The following INPP5D variants were observed in gnomAD, a reference collection of about 807,000 sequenced individuals.
The protein encoded by INPP5D is inositol polyphosphate-5-phosphatase D, also known as phosphatidylinositol 3,4,5-trisphosphate 5-phosphatase 1.
A neutral mutation model predicts 122.9 loss-of-function variants in INPP5D; 33 were observed. The ratio of observed to expected loss-of-function variants is 0.27; its 90% CI spans 0.20 to 0.36. INPP5D has a LOEUF of 0.36. Among genes scored for constraint, INPP5D ranks in the 10% least tolerant of loss-of-function variants. The probability of loss-of-function intolerance (pLI) is 1.00; values close to 1 mark genes in which losing one functional copy is unlikely to be tolerated. For synonymous variants in INPP5D, 584 were observed against 576.2 expected, an observed-to-expected ratio of 1.01 and a Z score of -0.19; for missense variants, 1,053 against 1,412.7, an observed-to-expected ratio of 0.75 and a Z score of 4.08.
intron 18 of INPP5D, among the ~76,000 whole-genome samples, chr2:233,178,417 A>G (rs1394565137): frequency 6.6e-6 from 1 of 152,098 alleles, no homozygotes; most frequent in Non-Finnish European, 1.5e-5. Context: ...CACAGAACAG[A>G]GTTGCTTTGA....
chr2:233,126,190 C>T (rs1693152501), intron 4 of INPP5D, among the ~76,000 whole-genome samples: 1 of 152,246 alleles, frequency 6.6e-6, no homozygotes, highest in African/African-American at 2.4e-5. Flanking sequence ...ATAGTGTGGG[C>T]ACTCACTGGA....
intron 24 of INPP5D, among the ~76,000 whole-genome samples, chr2:233,196,786 C>T (rs1695195298): frequency 6.6e-6 from 1 of 152,130 alleles, no homozygotes; most frequent in Non-Finnish European, 1.5e-5. Flanking sequence ...GCAGACATAG[C>T]TTGTTCCTCT....
rs185801967 is a variant in INPP5D at position 233,169,589 on chromosome 2, G to A, written c.1652+188G>A. ...GCACCATAGTGACCTCACGTGTGGA[G>A]GAATTTTGTCTGAAGGTCAGAAAAG... is the stretch of plus-strand genomic sequence containing the variant. On this transcript the variant is annotated intron_variant, in intron 14 of 26. Coordinates refer to ENST00000445964, the MANE Select transcript of INPP5D (RefSeq NM_001017915.3). 1.7e-4 allele frequency: 148 copies of A among 880,984 alleles called. 1 individual carries two copies. The South Asian group carries it at 2.7e-3, about 16-fold the overall frequency. The allele number at this position is 880,984 out of a possible 1,614,324, so 54.6% of individuals were successfully genotyped here.
At chr2:233,194,371 G>A (rs766025034) in intron 23 of INPP5D, among the ~76,000 whole-genome samples, 1 of 152,000 alleles carries the variant, frequency 6.6e-6, no homozygotes, top group Non-Finnish European at 1.5e-5. Flanking sequence ...TTTCTTGGGC[G>A]ACCTCTGCTT....
Position 233,206,942 on chromosome 2 carries a change from G to T in INPP5D, c.*234G>T. ...ACACCAGACGGGCAACAAACAGTCT[G>T]GGTCCCCAGCTCGCTCTTGGTACTT... On this transcript the variant is annotated 3_prime_UTR_variant, in exon 27 of 27. Transcript: ENST00000445964. The surrounding 1 kb of genome is among the most constrained non-coding windows in gnomAD (Gnocchi z 4.0). 1.9e-6 allele frequency: 1 copy of T among 516,866 alleles called. No individual in the cohort carries two copies. 32.0% of individuals were successfully genotyped at this position (516,866 alleles called of 1,614,324 possible).
At position 233,177,101 on chromosome 2, in the gene INPP5D, G is replaced by T. The variant is rs887041606; in HGVS notation, c.1990-164G>T. Among the ~76,000 whole-genome samples, 1 of 152,078 alleles carries T rather than the reference G, an allele frequency of 6.6e-6. No homozygotes were observed. The highest frequency in any genetic ancestry group is 6.6e-5 in the Admixed American group (1 of 15,260). On this transcript the variant is annotated intron_variant, in intron 17 of 26. Transcript: ENST00000445964. This position sits in a 1 kb window ranked among gnomAD's most constrained non-coding sequence, Gnocchi z 4.2. ...AGGCGTGGCAGTGGAGTCTGGACTT[G>T]AGCCATGTGAAAAAAGTTTAAAGCC... is the stretch of plus-strand genomic sequence containing the variant.
At chr2:233,131,559 A>G (rs1693327555) in intron 5 of INPP5D, among the ~76,000 whole-genome samples, 1 of 151,124 alleles carries the variant, frequency 6.6e-6, no homozygotes, top group South Asian at 2.1e-4. Flanking sequence ...AATTAGCTGG[A>G]TGTGGTGGCA....
intron 3 of INPP5D, among the ~76,000 whole-genome samples, chr2:233,125,013 G>A (rs372624949): frequency 3.9e-5 from 6 of 152,376 alleles, no homozygotes; most frequent in African/African-American, 1.4e-4. Flanking sequence ...GTCCCCCGGG[G>A]CCCACTGTGG....
chr2:233,195,284 G>T, intron 23 of INPP5D, 115 bp from the exon 24 acceptor site: 1 of 1,508,536 alleles, frequency 6.6e-7, no homozygotes. Flanking sequence ...ACCTCTCCAG[G>T]TACTCACTAT....
rs956949623 is a variant in INPP5D at position 233,206,242 on chromosome 2, T to C, written c.3568-464T>C. Among the ~76,000 whole-genome samples, 2 of 152,096 alleles carry C rather than the reference T, an allele frequency of 1.3e-5. No individual in the cohort carries two copies. The highest frequency in any genetic ancestry group is 4.8e-5 in the African/African-American group (2 of 41,416). On this transcript the variant is annotated intron_variant, in intron 26 of 26. Transcript: ENST00000445964. This position sits in a 1 kb window ranked among gnomAD's most constrained non-coding sequence, Gnocchi z 4.0. Reference sequence around the variant, plus strand: ...TGCATTGTAGGCTATTATGTATTATTACCATGTATTATCATCTATATAGAA... The same window carrying C: ...TGCATTGTAGGCTATTATGTATTATCACCATGTATTATCATCTATATAGAA...
chr2:233,109,121 T>C (rs1460238126), intron 2 of INPP5D, among the ~76,000 whole-genome samples: 2 of 152,328 alleles, frequency 1.3e-5, no homozygotes, highest in East Asian at 1.9e-4. Context: ...GGTCACAAAA[T>C]GAGACCTGCC....
Position 233,198,084 on chromosome 2 carries a change from C to A in INPP5D, c.2694-11C>A. 1 of 1,566,848 alleles carries A rather than the reference C, an allele frequency of 6.4e-7. No homozygotes were observed. The highest frequency in any genetic ancestry group is 8.7e-7 in the Non-Finnish European group (1 of 1,155,096). On this transcript the variant is annotated splice_polypyrimidine_tract_variant and intron_variant, in intron 24 of 26. Coordinates refer to ENST00000445964, the MANE Select transcript of INPP5D (RefSeq NM_001017915.3). Reference sequence around the variant, plus strand: ...GGACCCCTGAGATGTGACTCCATGTCCTCCCTGCAGGGCCCCTCCGTGCAG... The same window carrying A: ...GGACCCCTGAGATGTGACTCCATGTACTCCCTGCAGGGCCCCTCCGTGCAG...
chr2:233,121,121 C>CTTTTTTTTTTTTTTTTTTT (rs369587747), intron 2 of INPP5D, among the ~76,000 whole-genome samples: 1 of 117,646 alleles, frequency 8.5e-6, no homozygotes, highest in African/African-American at 3.1e-5. Context: ...TTCTTTCTTT[C>CTTTTTTTTTTTTTTTTTTT]TTTTTTTTTT....
intron 2 of INPP5D, among the ~76,000 whole-genome samples, chr2:233,102,188 G>C (rs1692333713): frequency 6.6e-6 from 1 of 152,202 alleles, no homozygotes; most frequent in East Asian, 1.9e-4. Flanking sequence ...AGCTGACATG[G>C]TGTTTTAAAA....
Position 233,079,095 on chromosome 2 carries a change from A to AC in INPP5D, c.135-232dup, listed in dbSNP as rs534985717. Among the ~76,000 whole-genome samples, 1,031 of 150,460 alleles carry AC rather than the reference A, an allele frequency of 6.9e-3. 5 individuals are homozygous for AC. Among genetic ancestry groups the AC allele is most frequent in the Non-Finnish European group, 0.01 (708 of 67,520 alleles). On this transcript the variant is annotated intron_variant, in intron 1 of 26. Coordinates refer to ENST00000445964, the MANE Select transcript of INPP5D (RefSeq NM_001017915.3). ...TAGCTGCCGGGTCCCCACCTAAATGACCCCCCCCAACCTTTTCCTGGTGCT... is the reference window on the plus strand; with the variant it reads ...TAGCTGCCGGGTCCCCACCTAAATGACCCCCCCCCAACCTTTTCCTGGTGCT...
intron 5 of INPP5D, chr2:233,131,071 T>C (rs1693312478): frequency 1.7e-6 from 1 of 587,444 alleles, no homozygotes; most frequent in Non-Finnish European, 2.1e-6. Context: ...TGGGTGGTTA[T>C]GGCCCAAGAT....
Position 233,164,340 on chromosome 2 carries a change from G to T in INPP5D, c.1471G>T (p.Val491Leu). 3 of 1,552,136 alleles carry T rather than the reference G, an allele frequency of 1.9e-6. No homozygotes were observed. Among genetic ancestry groups the T allele is most frequent in the Non-Finnish European group, 2.6e-6 (3 of 1,147,332 alleles). ...CCACACGCTCTGGAACATCCGCATC[G>T]TGGTGCTGGCCAAGCCTGAGCACGA... is the stretch of plus-strand genomic sequence containing the variant. ...AIHTLWNIRI[V>L]VLAKPEHENR... is the part of the protein sequence containing the mutation. The change falls in exon 13 of 27, where the codon GTG (valine) becomes TTG (leucine). Residue 491 changes from valine (V) to leucine (L), a missense_variant. Around this residue, in one of 6 missense-constraint regions of INPP5D, gnomAD observed 105 missense variants for 199.8 expected, o/e 0.53. Transcript: ENST00000445964. This position sits in a 1 kb window ranked among gnomAD's most constrained non-coding sequence, Gnocchi z 4.3.
intron 9 of INPP5D, among the ~76,000 whole-genome samples, chr2:233,149,816 G>A (rs1312872601): frequency 6.6e-6 from 1 of 152,052 alleles, no homozygotes; most frequent in Non-Finnish European, 1.5e-5. Context: ...ATCTTGCAGG[G>A]CTCTCATGAG....
intron 3 of INPP5D, 68 bp from the exon 4 acceptor site, chr2:233,125,677 G>C: frequency 7.0e-7 from 1 of 1,436,422 alleles, no homozygotes; most frequent in Non-Finnish European, 9.5e-7. Flanking sequence ...GGACCCCATG[G>C]GGCTGCGGTG....
Sources: gnomAD v4.1 joint callset for allele counts (sites outside exome capture counted in the v4.1 genomes callset) on GRCh38, gnomAD v4.1.1 for gene constraint, gnomAD v4.1.1 regional missense constraint, Gnocchi (gnomAD v3.1) non-coding constraint, MANE v1.5 for transcripts, NCBI Gene and HGNC (gene_info 2026-07-23, HGNC 2026-07-21) for gene names.